VWDE: variants seen among roughly 807,000 people sequenced by gnomAD.
The protein encoded by VWDE is von Willebrand factor D and EGF domains.
VWDE carries 207 observed loss-of-function variants against 178.4 expected under a neutral mutation model. The ratio of observed to expected loss-of-function variants is 1.16; its 90% CI spans 1.04 to 1.30. The LOEUF (loss-of-function observed/expected upper bound fraction) is 1.30. VWDE is among the 50% of genes most tolerant of loss of function. The probability of loss-of-function intolerance (pLI) is 0.00; values close to 1 mark genes in which losing one functional copy is unlikely to be tolerated. For synonymous variants in VWDE, 738 were observed against 651.4 expected (o/e 1.13, Z -2.02); for missense variants, 2,287 against 1,901.3 (o/e 1.20, Z -3.77).
chr7:12,335,805 T>C (rs1448216923), intron 27 of VWDE, among the ~76,000 whole-genome samples: 1 of 152,194 alleles, frequency 6.6e-6, no homozygotes. Flanking sequence ...GTATCCATGA[T>C]ACATATGTAT....
At chr7:12,395,017 T>C (rs1013728012) in intron 1 of VWDE, among the ~76,000 whole-genome samples, 2 of 152,138 alleles carry the variant, frequency 1.3e-5, no homozygotes, top group African/African-American at 4.8e-5. Context: ...CTTTTTATTT[T>C]GTTTGTAGTT....
intron 19 of VWDE, among the ~76,000 whole-genome samples, chr7:12,347,918 C>T (rs187522237): frequency 0.019 from 2,818 of 152,142 alleles, 43 homozygotes; most frequent in South Asian, 0.051. Flanking sequence ...GAAATAACGC[C>T]GCGTATCTAC....
chr7:12,389,371 A>G lies in VWDE; in HGVS notation c.244-13T>C, dbSNP rs1784267012. 6.6e-7 allele frequency: 1 copy of G among 1,517,634 alleles called. No individual in the cohort carries two copies. Among genetic ancestry groups the G allele is most frequent in the South Asian group, 1.2e-5 (1 of 82,722 alleles). The allele number at this position is 1,517,634 out of a possible 1,614,324, so 94.0% of individuals were successfully genotyped here. A position where few individuals can be genotyped will look rare whatever the true frequency, so the allele number is the denominator to read the frequency against. ...CACAATGGTTCATCTTTTGCAGGAG[A>G]GAAAACAAAAGTTGAAAATTCAGTT... On this transcript the variant is annotated splice_polypyrimidine_tract_variant and intron_variant, in intron 2 of 28. Coordinates refer to ENST00000275358, the MANE Select transcript of VWDE (RefSeq NM_001135924.3).
chr7:12,337,903 T>C, intron 24 of VWDE, among the ~76,000 whole-genome samples: 1 of 152,132 alleles, frequency 6.6e-6, no homozygotes, highest in East Asian at 1.9e-4. Flanking sequence ...ATTAATTTTA[T>C]GAGATGGTTA....
At chr7:12,336,025 G>C (rs779419535) in intron 27 of VWDE, 116 bp downstream of exon 27, 5 of 802,408 alleles carry the variant, frequency 6.2e-6, no homozygotes, top group Non-Finnish European at 9.3e-6. Flanking sequence ...TTTTTAAAAA[G>C]GATCAGCATG....
Position 12,380,536 on chromosome 7 carries a change from C to T in VWDE, c.739G>A (p.Ala247Thr). 1 of 1,551,928 alleles carries T rather than the reference C, an allele frequency of 6.4e-7. No homozygotes were observed. Among genetic ancestry groups the T allele is most frequent in the South Asian group, 1.2e-5 (1 of 84,060 alleles). Residue 247 changes from alanine to threonine, a missense_variant, in exon 5 of 29, where the codon GCA (alanine) becomes ACA (threonine). Transcript: ENST00000275358. The stretch of plus-strand genomic sequence containing the variant: ...CCATCAAGTTCTAAAAGAGAGAATG[C>T]CTGAACTGTGGTCTCTTGTGTCAGC... ...EELTQETTVQ[A>T]FSLLELDGIN...
intron 10 of VWDE, 82 bp downstream of exon 10, chr7:12,372,895 T>C (rs903356949): frequency 2.3e-6 from 3 of 1,330,536 alleles, no homozygotes; most frequent in African/African-American, 3.0e-5. Flanking sequence ...TGTTGAAAAA[T>C]GATAGCTCCT....
At chr7:12,380,006 G>A (rs1783756240) in intron 5 of VWDE, among the ~76,000 whole-genome samples, 1 of 151,810 alleles carries the variant, frequency 6.6e-6, no homozygotes, top group Non-Finnish European at 1.5e-5. Flanking sequence ...GCTGAGGCAG[G>A]AGAATCGCTT....
intron 7 of VWDE, among the ~76,000 whole-genome samples, chr7:12,376,755 G>T (rs1247498385): frequency 1.3e-5 from 2 of 152,116 alleles, no homozygotes; most frequent in Non-Finnish European, 2.9e-5. Context: ...GTTGCTCGTG[G>T]TGCTCCTGAA....
chr7:12,385,634 A>G (rs913742211), intron 3 of VWDE, among the ~76,000 whole-genome samples: 3 of 152,194 alleles, frequency 2.0e-5, no homozygotes, highest in South Asian at 4.1e-4. Flanking sequence ...CCTGCTCCAG[A>G]TATTTGTTCA....
chr7:12,343,995 T>C lies in VWDE; in HGVS notation c.4078+200A>G, dbSNP rs572887820. On this transcript the variant is annotated intron_variant, in intron 21 of 28. Coordinates refer to ENST00000275358, the MANE Select transcript of VWDE (RefSeq NM_001135924.3). ...AATAAGCTATTGCCCCTTGAATCTC[T>C]GATTTCAGAAATTTAATTCTTTAGA... 2.6e-5 allele frequency among the ~76,000 whole-genome samples: 4 copies of C among 152,094 alleles called. No individual in the cohort carries two copies. In the East Asian group the frequency reaches 7.7e-4, roughly 29 times the overall value.
At chr7:12,381,490 A>T (rs6460943) in intron 4 of VWDE, among the ~76,000 whole-genome samples, 3 of 151,916 alleles carry the variant, frequency 2.0e-5, no homozygotes, top group South Asian at 4.1e-4. Flanking sequence ...AATTTTAGGA[A>T]AATCACAAAA....
intron 12 of VWDE, among the ~76,000 whole-genome samples, chr7:12,369,134 T>G (rs1007639152): frequency 6.6e-6 from 1 of 152,142 alleles, no homozygotes; most frequent in Non-Finnish European, 1.5e-5. Context: ...ATAAACACAG[T>G]GCTTTAAAAA....
chr7:12,374,295 G>T (rs1264840582), intron 9 of VWDE, among the ~76,000 whole-genome samples: 1 of 151,868 alleles, frequency 6.6e-6, no homozygotes, highest in African/African-American at 2.4e-5. Flanking sequence ...GGAGTAATTA[G>T]TTTTAAAAAT....
chr7:12,370,789 T>C lies in VWDE; in HGVS notation c.1663A>G (p.Ser555Gly), dbSNP rs1783151318. ...WGMSLTIRAP[S>G]VDYRNTLGLC... The stretch of plus-strand genomic sequence containing the variant: ...CCCAGAGTGTTTCTGTAATCTACAC[T>C]AGGGGCTCTGATCGTTAGACTCATG... Residue 555 changes from serine to glycine, a missense_variant, in exon 11 of 29, where the codon AGT becomes GGT. Physicochemically the swap from Ser to Gly is moderately conservative, Grantham distance 56. Transcript: ENST00000275358. 3 of 1,551,108 alleles carry C rather than the reference T, an allele frequency of 1.9e-6. No homozygotes were observed. Among genetic ancestry groups the C allele is most frequent in the Non-Finnish European group, 2.6e-6 (3 of 1,146,712 alleles).
At position 12,359,667 on chromosome 7, in the gene VWDE, A is replaced by G. The variant is rs1782462895; in HGVS notation, c.3185T>C (p.Leu1062Pro). The part of the protein sequence containing the change: ...IKENVCIIDG[L>P]CYVEGDKNPT... ...ATTTTTGTCTCCTTCAACATAGCAG[A>G]GTCCATCAATAATGCAAACATTTTC... Residue 1062 changes from leucine (L) to proline (P), a missense_variant, in exon 16 of 29, where the codon CTC (leucine) becomes CCC (proline). Coordinates refer to ENST00000275358, the MANE Select transcript of VWDE (RefSeq NM_001135924.3). 1.9e-6 allele frequency: 3 copies of G among 1,548,922 alleles called. No homozygotes were observed. The East Asian group carries it at 7.4e-5, about 38-fold the overall frequency.
chr7:12,343,964 A>C (rs1484127638), intron 21 of VWDE, among the ~76,000 whole-genome samples: 2 of 152,138 alleles, frequency 1.3e-5, no homozygotes, highest in African/African-American at 4.8e-5. Context: ...AATTTTACCA[A>C]TAACAAATAA....
rs576738114 is a variant in VWDE at position 12,374,666 on chromosome 7, A to G, written c.1316+23T>C. 1.2e-4 allele frequency: 175 copies of G among 1,478,366 alleles called. No individual in the cohort carries two copies. The African/African-American group carries it at 2.3e-3, about 20-fold the overall frequency. The allele number at this position is 1,478,366 out of a possible 1,614,324, so 91.6% of individuals were successfully genotyped here. ...AATCAAAGCAAACAAAACTACTAAA[A>G]GAAGAAACTTTCAGAAAATTACCTG... On this transcript the variant is annotated intron_variant, in intron 9 of 28. Coordinates refer to ENST00000275358, the MANE Select transcript of VWDE (RefSeq NM_001135924.3).
At chr7:12,344,757 A>C (rs1781510955) in intron 19 of VWDE, among the ~76,000 whole-genome samples, 1 of 152,204 alleles carries the variant, frequency 6.6e-6, no homozygotes, top group Non-Finnish European at 1.5e-5. Context: ...AAACAATGTT[A>C]ATAATTGTGA....
Sources: allele counts gnomAD v4.1 joint callset (sites outside exome capture counted in the v4.1 genomes callset), GRCh38; gene constraint gnomAD v4.1.1; transcripts MANE v1.5; gene names NCBI Gene and HGNC (gene_info 2026-07-23, HGNC 2026-07-21).